The following SLC25A43 variants were observed in gnomAD, a reference collection of about 807,000 sequenced individuals.
The protein encoded by SLC25A43 is solute carrier family 25, member 43.
SLC25A43 carries 10 observed loss-of-function variants against 22.8 expected under a neutral mutation model. That is an observed-to-expected ratio of 0.44 (90% CI 0.27 to 0.74). The LOEUF is 0.74. Ranked by LOEUF, SLC25A43 falls within the 30% of genes least tolerant of loss-of-function variation. SLC25A43 has a pLI of 0.17. For missense variants in SLC25A43, 233 were observed against 279.1 expected (o/e 0.83, Z 1.18); for synonymous variants, 106 against 121.6 (o/e 0.87, Z 0.84).
intron 3 of SLC25A43, among the ~76,000 whole-genome samples, chrX:119,428,329 C>T (rs80046523): frequency 2.7e-3 from 305 of 111,003 alleles, no homozygotes; most frequent in African/African-American, 9.7e-3. Flanking sequence ...GTGGTGGGCA[C>T]CTGTAATTCT....
In SLC25A43 at chrX:119,417,372, G is replaced by C. The variant is rs751344030; in HGVS notation, c.690+7010G>C. Among the ~76,000 whole-genome samples, 3 of 111,209 alleles carry C rather than the reference G, an allele frequency of 2.7e-5. No individual in the cohort carries two copies. In the South Asian group the frequency reaches 1.1e-3, roughly 42 times the overall value. The stretch of plus-strand genomic sequence containing the variant: ...ACCTGGGAGGCGGAGGTTGCAGTGA[G>C]CTGAGATTGTGCCACCACACTCCAG... On this transcript the variant is annotated intron_variant, in intron 3 of 4. Transcript: ENST00000217909.
chrX:119,431,516 GA>G (rs11411959), intron 3 of SLC25A43, among the ~76,000 whole-genome samples: 6 of 89,027 alleles, frequency 6.7e-5, no homozygotes, highest in South Asian at 5.7e-4. Context: ...GTCTCCAACA[GA>G]AAAAAAAAAA....
rs187603541 is a variant in SLC25A43 at position 119,452,168 on chromosome X, T to C, written c.825+25T>C. On this transcript the variant is annotated intron_variant, in intron 4 of 4. Coordinates refer to ENST00000217909, the MANE Select transcript of SLC25A43 (RefSeq NM_145305.3). ...GGTGAGAAGAGCCACCAGCCTCCGC[T>C]GCTCCCCTGCCTCTTCCAATTCTAC... 3.7e-4 allele frequency: 437 copies of C among 1,172,288 alleles called. 4 individuals carry two copies. In the African/African-American group the frequency reaches 6.7e-3, roughly 18 times the overall value.
chrX:119,406,623 C>T lies in SLC25A43; in HGVS notation c.439C>T (p.Leu147Phe), dbSNP rs2052299069. Residue 147 changes from leucine to phenylalanine, a missense_variant, in exon 2 of 5, where the codon CTC becomes TTC. Transcript: ENST00000217909. ...QNILEPSYRGLLHAFSTIYQQ... is the reference protein window; with the variant it reads ...QNILEPSYRGFLHAFSTIYQQ... ...CATACTGGAACCATCGTACAGGGGG[C>T]TCCTCCATGCTTTTTCTACTATTTA... 8.3e-7 allele frequency: 1 copy of T among 1,210,207 alleles called. No individual in the cohort carries two copies. Among genetic ancestry groups the T allele is most frequent in the South Asian group, 1.8e-5 (1 of 56,841 alleles).
chrX:119,409,907 C>T (rs556953114), intron 2 of SLC25A43, among the ~76,000 whole-genome samples: 1 of 112,585 alleles, frequency 8.9e-6, no homozygotes, highest in East Asian at 2.8e-4. Context: ...TGAGCCACCA[C>T]GCCCAGCCGT....
At chrX:119,446,650 A>G (rs937825616) in intron 3 of SLC25A43, among the ~76,000 whole-genome samples, 2 of 112,649 alleles carry the variant, frequency 1.8e-5, no homozygotes, top group African/African-American at 3.2e-5. Context: ...ATTACATTGT[A>G]TAAGTCTTGA....
At chrX:119,409,156 TTTTATTTATTTATTTA>T (rs3078516) in intron 2 of SLC25A43, among the ~76,000 whole-genome samples, 4 of 107,302 alleles carry the variant, frequency 3.7e-5, no homozygotes, top group Admixed American at 2.0e-4. Context: ...TCCATTTTTA[TTTTATTTATTTATTTA>T]TTTATTTATT....
intron 3 of SLC25A43, among the ~76,000 whole-genome samples, chrX:119,445,294 C>A (rs1272533906): frequency 9.0e-6 from 1 of 111,398 alleles, no homozygotes; most frequent in African/African-American, 3.3e-5. Flanking sequence ...TCCAAAATTT[C>A]ATAATTTAGA....
At chrX:119,431,766 G>A (rs922890353) in intron 3 of SLC25A43, among the ~76,000 whole-genome samples, 2 of 111,364 alleles carry the variant, frequency 1.8e-5, no homozygotes, top group Non-Finnish European at 3.8e-5. Context: ...GGAAGGCCCC[G>A]TGCCTGCTGA....
intron 4 of SLC25A43, among the ~76,000 whole-genome samples, chrX:119,452,504 A>C (rs2052714591): frequency 9.0e-6 from 1 of 110,970 alleles, no homozygotes; most frequent in Admixed American, 9.6e-5. Flanking sequence ...AAAAAAAAAA[A>C]AAACAAAAAC....
intron 1 of SLC25A43, among the ~76,000 whole-genome samples, chrX:119,404,584 T>C (rs2052271766): frequency 9.0e-6 from 1 of 111,151 alleles, no homozygotes; most frequent in Non-Finnish European, 1.9e-5. Context: ...CTCTCGGGTT[T>C]TTATGGAAGA....
chrX:119,406,389 A>G (rs1219239282), intron 1 of SLC25A43, 71 bp from the exon 2 acceptor site: 1 of 1,127,409 alleles, frequency 8.9e-7, no homozygotes, highest in African/African-American at 1.8e-5. Flanking sequence ...AAATATTTCA[A>G]GAACTAGTGG....
chrX:119,452,151 G>A lies in SLC25A43; in HGVS notation c.825+8G>A, dbSNP rs1452771155. ...ACAGCCAATTTACTGAAGGTGAGAA[G>A]AGCCACCAGCCTCCGCTGCTCCCCT... On this transcript the variant is annotated splice_region_variant and intron_variant, in intron 4 of 4. Transcript: ENST00000217909. 2 of 1,186,162 alleles carry A rather than the reference G, an allele frequency of 1.7e-6. No individual in the cohort carries two copies. The highest frequency in any genetic ancestry group is 1.9e-5 in the South Asian group (1 of 52,880).
At chrX:119,426,295 C>T (rs749658349) in intron 3 of SLC25A43, 4 of 718,592 alleles carry the variant, frequency 5.6e-6, no homozygotes, top group African/African-American at 2.3e-5. Context: ...CTTACTCCCG[C>T]GTGAACTTGT....
intron 3 of SLC25A43, among the ~76,000 whole-genome samples, chrX:119,414,129 C>A (rs1332631736): frequency 8.9e-6 from 1 of 111,944 alleles, no homozygotes; most frequent in African/African-American, 3.2e-5. Flanking sequence ...CATTATGAAC[C>A]TAATAGCTGA....
intron 3 of SLC25A43, among the ~76,000 whole-genome samples, chrX:119,445,782 T>G (rs1313665825): frequency 9.0e-6 from 1 of 111,168 alleles, no homozygotes; most frequent in Non-Finnish European, 1.9e-5. Context: ...GGTTTAGGGA[T>G]CTGCGTTATC....
In SLC25A43 at chrX:119,399,466, G is replaced by A. The variant is rs1372371912; in HGVS notation, c.63G>A (p.Leu21=). 2.8e-6 allele frequency: 3 copies of A among 1,059,497 alleles called. No homozygotes were observed. Among genetic ancestry groups the A allele is most frequent in the South Asian group, 2.5e-5 (1 of 40,587 alleles). 87.3% of individuals were successfully genotyped at this position (1,059,497 alleles called of 1,213,427 possible). ...TGGQRLLCAG[L]AGTLSLSLTA... is the part of the protein sequence containing the mutation. ...GCCAAAGGCTGCTGTGCGCTGGGCT[G>A]GCGGGGACGCTCAGCCTCAGCCTCA... The change falls in exon 1 of 5, where the codon CTG becomes CTA. Residue 21 remains leucine (L), a synonymous_variant. Transcript: ENST00000217909.
At chrX:119,434,612 C>T (rs2052583539) in intron 3 of SLC25A43, 1 of 108,574 alleles carries the variant, frequency 9.2e-6, no homozygotes, top group Non-Finnish European at 1.9e-5. Flanking sequence ...CTGTAGAGCA[C>T]TAAGCTAATC....
intron 3 of SLC25A43, among the ~76,000 whole-genome samples, chrX:119,444,781 T>A (rs1171899512): frequency 2.8e-5 from 3 of 108,561 alleles, no homozygotes; most frequent in African/African-American, 1.0e-4. Context: ...ACGCCTGTAA[T>A]CCCAGCACTT....
Sources: gnomAD v4.1 joint callset for allele counts (sites outside exome capture counted in the v4.1 genomes callset) on GRCh38, gnomAD v4.1.1 for gene constraint, MANE v1.5 for transcripts, NCBI Gene and HGNC (gene_info 2026-07-23, HGNC 2026-07-21) for gene names.